SRBD1: variants seen among roughly 807,000 people sequenced by gnomAD.
The protein encoded by SRBD1 is S1 RNA binding domain 1.
SRBD1 carries 88 observed loss-of-function variants against 115.3 expected under a neutral mutation model. The observed-to-expected ratio is 0.76, with a 90% CI of 0.64 to 0.91. The LOEUF (loss-of-function observed/expected upper bound fraction) is 0.91, where lower values mean the gene tolerates loss of function less well. SRBD1 is among the 40% of genes least tolerant of loss of function. SRBD1 has a pLI of 0.00. For missense variants in SRBD1, 1,385 were observed against 1,177.4 expected (o/e 1.18, Z -2.58); for synonymous variants, 509 against 407.7 (o/e 1.25, Z -2.99).
At chr2:45,472,225 G>A (rs747562473) in intron 16 of SRBD1, among the ~76,000 whole-genome samples, 2 of 152,104 alleles carry the variant, frequency 1.3e-5, no homozygotes, top group African/African-American at 2.4e-5. Flanking sequence ...AAGTGAAAGA[G>A]GTCAATCATA....
chr2:45,414,646 T>C (rs578062916), intron 18 of SRBD1, among the ~76,000 whole-genome samples: 5 of 150,756 alleles, frequency 3.3e-5, no homozygotes, highest in South Asian at 2.1e-4. Context: ...AGTGTGTATA[T>C]AGTATGCACA....
At chr2:45,482,966 G>A (rs1670012525) in intron 15 of SRBD1, among the ~76,000 whole-genome samples, 2 of 151,898 alleles carry the variant, frequency 1.3e-5, no homozygotes, top group Admixed American at 1.3e-4. Flanking sequence ...TACTTTTATT[G>A]CTGTGTTGTT....
At chr2:45,391,560 C>A (rs1354010610) in intron 20 of SRBD1, among the ~76,000 whole-genome samples, 3 of 152,140 alleles carry the variant, frequency 2.0e-5, no homozygotes, top group Non-Finnish European at 4.4e-5. Context: ...GATGAAAGTT[C>A]TCAGACATTT....
At chr2:45,415,357 A>G (rs1216244841) in intron 18 of SRBD1, among the ~76,000 whole-genome samples, 2 of 78,956 alleles carry the variant, frequency 2.5e-5, no homozygotes, top group South Asian at 5.7e-4. Context: ...TATAGTGTGT[A>G]TATAGTATGT....
At chr2:45,389,864 A>T (rs1007591765) in intron 20 of SRBD1, among the ~76,000 whole-genome samples, 3 of 152,222 alleles carry the variant, frequency 2.0e-5, no homozygotes. Flanking sequence ...AGGATCGAGA[A>T]GACAGTCTTA....
chr2:45,522,846 A>C (rs915822480), intron 14 of SRBD1, among the ~76,000 whole-genome samples: 2 of 152,190 alleles, frequency 1.3e-5, no homozygotes, highest in African/African-American at 4.8e-5. Flanking sequence ...CATACAGAAC[A>C]TGTGTTAATC....
intron 20 of SRBD1, among the ~76,000 whole-genome samples, chr2:45,391,619 TAA>T (rs1558547364): frequency 2.6e-5 from 4 of 152,150 alleles, no homozygotes; most frequent in Non-Finnish European, 5.9e-5. Context: ...AAAGTTTTTT[TAA>T]AGAGACCTAT....
At position 45,551,422 on chromosome 2, in the gene SRBD1, AATT is replaced by A. The variant is rs1672296063; in HGVS notation, c.1518-143_1518-141del. ...ATAACTTAAGAGAAAAATATACAAA[AATT>A]ATATTGAGTCTATTTTCACTAATCA... On this transcript the variant is annotated intron_variant, in intron 11 of 20. Transcript: ENST00000263736. 4.7e-6 allele frequency: 4 copies of A among 855,278 alleles called. No individual in the cohort carries two copies. The East Asian group carries it at 1.1e-4, about 24-fold the overall frequency. The allele number at this position is 855,278 out of a possible 1,614,324, so 53.0% of individuals were successfully genotyped here.
chr2:45,592,343 C>T (rs1673752845), intron 4 of SRBD1, among the ~76,000 whole-genome samples: 1 of 152,094 alleles, frequency 6.6e-6, no homozygotes, highest in Non-Finnish European at 1.5e-5. Flanking sequence ...ACACCATGTA[C>T]TCACCTCCCA....
intron 16 of SRBD1, among the ~76,000 whole-genome samples, chr2:45,423,517 T>C (rs562036315): frequency 1.3e-5 from 2 of 152,108 alleles, no homozygotes; most frequent in Non-Finnish European, 2.9e-5. Context: ...AGAAGAAATA[T>C]AAAATCTGAA....
chr2:45,468,778 G>C (rs1669566488), intron 16 of SRBD1, among the ~76,000 whole-genome samples: 2 of 152,174 alleles, frequency 1.3e-5, no homozygotes, highest in African/African-American at 2.4e-5. Flanking sequence ...CTGAGTTGAA[G>C]AGAATTCTCA....
At chr2:45,578,933 C>T (rs992270823) in intron 7 of SRBD1, among the ~76,000 whole-genome samples, 1 of 151,808 alleles carries the variant, frequency 6.6e-6, no homozygotes, top group Middle Eastern at 3.2e-3. Context: ...GACTATAATA[C>T]TCACTTCACT....
intron 16 of SRBD1, among the ~76,000 whole-genome samples, chr2:45,458,177 A>T (rs115939245): frequency 0.018 from 2,729 of 152,174 alleles, 40 homozygotes; most frequent in Middle Eastern, 0.051. Flanking sequence ...GTAGCTTTTA[A>T]GGGGATTTTT....
At chr2:45,596,241 G>A (rs539448821) in intron 4 of SRBD1, among the ~76,000 whole-genome samples, 20 of 152,116 alleles carry the variant, frequency 1.3e-4, no homozygotes, top group African/African-American at 4.3e-4. Flanking sequence ...GGCACCTATC[G>A]CTCATCATAC....
intron 16 of SRBD1, among the ~76,000 whole-genome samples, chr2:45,460,752 T>G (rs1215987120): frequency 2.6e-5 from 4 of 152,224 alleles, no homozygotes; most frequent in Non-Finnish European, 5.9e-5. Flanking sequence ...GTATCAAAGA[T>G]AACTCTCTTG....
At chr2:45,496,795 C>T (rs908952127) in intron 14 of SRBD1, among the ~76,000 whole-genome samples, 7 of 152,106 alleles carry the variant, frequency 4.6e-5, no homozygotes, top group Non-Finnish European at 8.8e-5. Context: ...CAAAGGAGAC[C>T]CTATCTACAA....
chr2:45,454,055 T>C (rs1010594835), intron 16 of SRBD1, among the ~76,000 whole-genome samples: 1 of 151,974 alleles, frequency 6.6e-6, no homozygotes, highest in Non-Finnish European at 1.5e-5. Flanking sequence ...CCTCAAACTA[T>C]GAATGGTGCT....
At chr2:45,577,307 A>G (rs1410949197) in intron 7 of SRBD1, among the ~76,000 whole-genome samples, 1 of 152,230 alleles carries the variant, frequency 6.6e-6, no homozygotes, top group East Asian at 1.9e-4. Context: ...TTGTGGGTTT[A>G]ATACAGCCAA....
chr2:45,462,967 A>G (rs1669365916), intron 16 of SRBD1, among the ~76,000 whole-genome samples: 1 of 147,692 alleles, frequency 6.8e-6, no homozygotes, highest in African/African-American at 2.5e-5. Context: ...CGAATCCAGG[A>G]TAAGTAACTT....
Sources: allele counts gnomAD v4.1 joint callset (sites outside exome capture counted in the v4.1 genomes callset), GRCh38; gene constraint gnomAD v4.1.1; transcripts MANE v1.5; gene names NCBI Gene and HGNC (gene_info 2026-07-23, HGNC 2026-07-21).